The following ADAMTS14 variants were observed in gnomAD, a reference collection of about 807,000 sequenced individuals.
ADAMTS14 encodes the protein A disintegrin and metalloproteinase with thrombospondin motifs 14.
A neutral mutation model predicts 128.6 loss-of-function variants in ADAMTS14; 100 were observed. The ratio of observed to expected loss-of-function variants is 0.78; its 90% CI spans 0.66 to 0.92. ADAMTS14 has a LOEUF of 0.92. ADAMTS14 is among the 40% of genes least tolerant of loss of function. The pLI is 0.00. For missense variants in ADAMTS14, 1,562 were observed against 1,658.6 expected, an observed-to-expected ratio of 0.94 and a Z score of 1.01; for synonymous variants, 665 against 653.8, an observed-to-expected ratio of 1.02 and a Z score of -0.26.
chr10:70,694,167 C>T (rs1393500293), intron 2 of ADAMTS14, among the ~76,000 whole-genome samples: 1 of 152,234 alleles, frequency 6.6e-6, no homozygotes, highest in East Asian at 1.9e-4. Flanking sequence ...GCTTTCATCC[C>T]AGCCTCGCTG....
chr10:70,738,820 C>G (rs1194388945), intron 10 of ADAMTS14, 22 bp from the exon 11 acceptor site: 1 of 1,613,630 alleles, frequency 6.2e-7, no homozygotes, highest in Admixed American at 1.7e-5. Context: ...AGGGTGACCT[C>G]ATGCCCTCTG....
chr10:70,733,835 G>A (rs546320622), intron 7 of ADAMTS14, 50 bp from the exon 8 acceptor site: 78 of 1,565,522 alleles, frequency 5.0e-5, no homozygotes, highest in Admixed American at 3.4e-4. Context: ...CTGCCTTCCC[G>A]GGGCAGGCTC....
intron 4 of ADAMTS14, among the ~76,000 whole-genome samples, chr10:70,711,224 A>G (rs544854043): frequency 6.6e-6 from 1 of 152,326 alleles, no homozygotes; most frequent in Non-Finnish European, 1.5e-5. Context: ...CGACTTCTCT[A>G]CCAGACATTC....
chr10:70,751,438 T>A, intron 16 of ADAMTS14, 40 bp from the exon 17 acceptor site: 2 of 1,583,224 alleles, frequency 1.3e-6, no homozygotes, highest in Non-Finnish European at 1.7e-6. Context: ...CGCCCTTGCT[T>A]CTTTCTCTGG....
chr10:70,679,145 T>G (rs1839729154), intron 2 of ADAMTS14, among the ~76,000 whole-genome samples: 2 of 152,140 alleles, frequency 1.3e-5, no homozygotes, highest in African/African-American at 4.8e-5. Context: ...GGTTAGGGCA[T>G]CTAGGAAGGT....
intron 1 of ADAMTS14, among the ~76,000 whole-genome samples, chr10:70,673,699 C>T (rs531472838): frequency 5.8e-4 from 88 of 152,216 alleles, no homozygotes; most frequent in Non-Finnish European, 9.4e-4. Flanking sequence ...ACTGGGGAGA[C>T]GAGAGGTAGA....
intron 7 of ADAMTS14, among the ~76,000 whole-genome samples, chr10:70,733,682 G>A (rs540764970): frequency 6.6e-6 from 1 of 152,342 alleles, no homozygotes; most frequent in South Asian, 2.1e-4. Flanking sequence ...GGCTTGGAGG[G>A]CAGGATGAGC....
At chr10:70,744,565 T>C (rs2688748) in intron 14 of ADAMTS14, among the ~76,000 whole-genome samples, 151,927 of 152,350 alleles carry the variant, frequency 1, 75,753 homozygotes, top group East Asian at 1. Flanking sequence ...TCTCCTTCCT[T>C]ATTTTTTTTT....
At chr10:70,722,834 A>G (rs1246322845) in intron 4 of ADAMTS14, among the ~76,000 whole-genome samples, 1 of 152,234 alleles carries the variant, frequency 6.6e-6, no homozygotes, top group Non-Finnish European at 1.5e-5. Flanking sequence ...TAAATAAACG[A>G]AGAAGGGACA....
chr10:70,739,802 C>T (rs981263435), intron 11 of ADAMTS14, among the ~76,000 whole-genome samples: 5 of 152,176 alleles, frequency 3.3e-5, no homozygotes, highest in African/African-American at 1.2e-4. Flanking sequence ...TGTTATTTAT[C>T]GCTAGGGATG....
At chr10:70,758,420 C>A in intron 21 of ADAMTS14, 135 bp downstream of exon 21, 1 of 716,148 alleles carries the variant, frequency 1.4e-6, no homozygotes, top group Non-Finnish European at 2.3e-6. Flanking sequence ...GCCTCAGATA[C>A]CTCAGTTATG....
At position 70,718,685 on chromosome 10, in the gene ADAMTS14, CT is replaced by C. The variant is rs1554818749; in HGVS notation, c.870+9920del. Among the ~76,000 whole-genome samples the C allele has an allele frequency of 5.2e-3, 730 of 140,404 alleles. 13 individuals carry two copies. In the East Asian group the frequency reaches 0.06, roughly 12 times the overall value. The allele number at this position is 140,404 out of a possible 152,430, so 92.1% of individuals were successfully genotyped here. On this transcript the variant is annotated intron_variant, in intron 4 of 21. Transcript: ENST00000373207. ...ACAGGTGTGAGCCAGGGTGCCCAGC[CT>C]TTTTTTTTTTTTAAAGACAGTGTCT...
intron 4 of ADAMTS14, among the ~76,000 whole-genome samples, chr10:70,717,956 C>T (rs1286683549): frequency 3.9e-5 from 6 of 152,326 alleles, no homozygotes; most frequent in East Asian, 1.9e-4. Context: ...CTTTCTGAGC[C>T]TGGGGCCTGC....
At chr10:70,713,975 C>T (rs1223051155) in intron 4 of ADAMTS14, among the ~76,000 whole-genome samples, 1 of 152,170 alleles carries the variant, frequency 6.6e-6, no homozygotes, top group South Asian at 2.1e-4. Context: ...AGGAGGATTG[C>T]TTGAGGCCAG....
At chr10:70,703,216 G>T (rs938343662) in intron 3 of ADAMTS14, among the ~76,000 whole-genome samples, 1 of 152,218 alleles carries the variant, frequency 6.6e-6, no homozygotes, top group African/African-American at 2.4e-5. Context: ...CACACCAGAG[G>T]CACTCAAGAC....
chr10:70,735,328 G>T, intron 9 of ADAMTS14, 27 bp downstream of exon 9: 1 of 1,611,590 alleles, frequency 6.2e-7, no homozygotes, highest in Non-Finnish European at 8.5e-7. Context: ...CCTCTGCCAG[G>T]TGGTTGGGGG....
At chr10:70,750,645 A>G (rs1238274038) in intron 16 of ADAMTS14, among the ~76,000 whole-genome samples, 4 of 152,234 alleles carry the variant, frequency 2.6e-5, no homozygotes, top group Admixed American at 2.6e-4. Context: ...CAGCATATCA[A>G]TTCAATCCAG....
At chr10:70,681,083 C>G (rs1021131315) in intron 2 of ADAMTS14, among the ~76,000 whole-genome samples, 3 of 152,228 alleles carry the variant, frequency 2.0e-5, no homozygotes, top group Non-Finnish European at 2.9e-5. Context: ...AGGGATGAAG[C>G]TCAGCCCTCT....
intron 2 of ADAMTS14, among the ~76,000 whole-genome samples, chr10:70,682,841 C>A (rs1295292146): frequency 6.6e-6 from 1 of 152,208 alleles, no homozygotes; most frequent in Non-Finnish European, 1.5e-5. Flanking sequence ...GCTTCTCCTT[C>A]AGTTTGCTGC....
Sources: gnomAD v4.1 joint callset for allele counts (sites outside exome capture counted in the v4.1 genomes callset) on GRCh38, gnomAD v4.1.1 for gene constraint, MANE v1.5 for transcripts, NCBI Gene and HGNC (gene_info 2026-07-23, HGNC 2026-07-21) for gene names.